The following TRPV1 variants were observed in gnomAD, a reference collection of about 807,000 sequenced individuals.
The protein encoded by TRPV1 is OTRPC1.
Under a neutral mutation model 82.3 loss-of-function variants are expected in TRPV1, and 82 were observed. The observed-to-expected ratio is 1.00, with a 90% confidence interval of 0.83 to 1.20. The LOEUF (loss-of-function observed/expected upper bound fraction) is 1.20, where lower values mean the gene tolerates loss of function less well. Ranked by LOEUF, TRPV1 falls within the 50% of genes most tolerant of loss-of-function variation. The pLI, the probability that TRPV1 is intolerant of heterozygous loss-of-function variation, is 0.00. For synonymous variants in TRPV1, 515 were observed against 467.7 expected (o/e 1.10, Z -1.30); for missense variants, 1,067 against 1,096.8 (o/e 0.97, Z 0.38).
At chr17:3,582,022 C>G (rs1468789166) in intron 10 of TRPV1, among the ~76,000 whole-genome samples, 4 of 146,892 alleles carry the variant, frequency 2.7e-5, no homozygotes, top group Non-Finnish European at 6.0e-5. Flanking sequence ...AACCCCGTCT[C>G]TACTAAAAAT....
At chr17:3,574,770 G>A (rs2074907287) in intron 13 of TRPV1, among the ~76,000 whole-genome samples, 2 of 151,540 alleles carry the variant, frequency 1.3e-5, no homozygotes, top group South Asian at 2.1e-4. Context: ...CCAACAGGGT[G>A]AAACCCGTCT....
intron 2 of TRPV1, among the ~76,000 whole-genome samples, chr17:3,594,151 A>AGC (rs1385829115): frequency 3.8e-5 from 4 of 104,400 alleles, no homozygotes; most frequent in East Asian, 2.4e-4. Flanking sequence ...AAAAAAAAAA[A>AGC]AGAAGCAGCA....
rs2074766819 is a variant in TRPV1, at chr17:3,566,681, C to T, written c.*134G>A. Reference sequence around the variant, plus strand: ...AACGCTTCCCACAGCTTGTCCAGCACAGATTTGGGAACATGCTGGGCAGGC... The same window carrying T: ...AACGCTTCCCACAGCTTGTCCAGCATAGATTTGGGAACATGCTGGGCAGGC... On this transcript the variant is annotated 3_prime_UTR_variant, in exon 17 of 17. Coordinates refer to ENST00000572705, the MANE Select transcript of TRPV1 (RefSeq NM_080704.4). 14 of 1,118,260 alleles carry T rather than the reference C, an allele frequency of 1.3e-5. No individual in the cohort carries two copies. The highest frequency in any genetic ancestry group is 1.7e-5 in the Non-Finnish European group (14 of 802,090). The allele number at this position is 1,118,260 out of a possible 1,614,324, so 69.3% of individuals were successfully genotyped here.
At position 3,590,118 on chromosome 17, in the gene TRPV1, A is replaced by G. The variant is rs536442410; in HGVS notation, c.746-13T>C. The G allele has an allele frequency of 8.1e-6, 13 of 1,598,124 alleles. No homozygotes were observed. In the South Asian group the frequency reaches 1.5e-4, roughly 18 times the overall value. On this transcript the variant is annotated splice_polypyrimidine_tract_variant and intron_variant, in intron 6 of 16. Coordinates refer to ENST00000572705, the MANE Select transcript of TRPV1 (RefSeq NM_080704.4). ...AGGGGCAGTTCACCTGCATGAACAC[A>G]GGGCCCAGGTGGGCCTCAGGAGTGA...
At chr17:3,595,269 C>T (rs568082278) in intron 2 of TRPV1, among the ~76,000 whole-genome samples, 6 of 152,234 alleles carry the variant, frequency 3.9e-5, no homozygotes, top group African/African-American at 1.2e-4. Context: ...ATGAGGAGAC[C>T]GAGGCACAGA....
At chr17:3,586,184 C>G (rs1249911481) in intron 8 of TRPV1, among the ~76,000 whole-genome samples, 2 of 152,226 alleles carry the variant, frequency 1.3e-5, no homozygotes, top group East Asian at 1.9e-4. Flanking sequence ...TGGACAAGCT[C>G]TTAAGTGCTC....
chr17:3,592,234 C>G lies in TRPV1; in HGVS notation c.117G>C (p.Gln39His). ...PNSRPPPAKP[Q>H]LSTAKSRTRL... ...GGGTGCGGCTCTTGGCCGTGGAGAG[C>G]TGGGGCTTGGCTGGAGGTGGCCTGG... Residue 39 changes from glutamine (Q) to histidine (H), a missense_variant, in exon 3 of 17, where the codon CAG becomes CAC. Gln to His is a conservative substitution (Grantham distance 24). Coordinates refer to ENST00000572705, the MANE Select transcript of TRPV1 (RefSeq NM_080704.4). 3 of 1,611,376 alleles carry G rather than the reference C, an allele frequency of 1.9e-6. No homozygotes were observed. The highest frequency in any genetic ancestry group is 2.5e-6 in the Non-Finnish European group (3 of 1,178,796).
Position 3,590,343 on chromosome 17 carries a change from C to G in TRPV1, c.654G>C (p.Val218=), listed in dbSNP as rs1200059777. 1.2e-6 allele frequency: 2 copies of G among 1,613,888 alleles called. No individual in the cohort carries two copies. Among genetic ancestry groups the G allele is most frequent in the African/African-American group, 2.7e-5 (2 of 74,918 alleles). Residue 218 remains valine (V), a synonymous_variant, in exon 6 of 17, where the codon GTG becomes GTC. Transcript: ENST00000572705. ...CTGCTCCGTTCTCCACCAGGAGGGT[C>G]ACCAGGGCCATGTTGCGTCTCTCGA... ...IAIERRNMAL[V]TLLVENGADV...
Position 3,589,912 on chromosome 17 carries a change from A to C in TRPV1, c.939T>G (p.Ile313Met), listed in dbSNP as rs370644721. The change falls in exon 7 of 17, where the codon ATT becomes ATG. Residue 313 changes from isoleucine (I) to methionine (M), a missense_variant. Ile to Met is a conservative substitution (Grantham distance 10, BLOSUM62 1). Coordinates refer to ENST00000572705, the MANE Select transcript of TRPV1 (RefSeq NM_080704.4). ...TKFVTSMYNEILMLGAKLHPT... is the reference protein window; with the variant it reads ...TKFVTSMYNEMLMLGAKLHPT... ...GGTGCAGTTTGGCCCCCAGCATCAGAATCTCATTGTACATGCTCGTCACAA... is the reference window on the plus strand; with the variant it reads ...GGTGCAGTTTGGCCCCCAGCATCAGCATCTCATTGTACATGCTCGTCACAA... 1 of 1,594,014 alleles carries C rather than the reference A, an allele frequency of 6.3e-7. No individual in the cohort carries two copies. Among genetic ancestry groups the C allele is most frequent in the South Asian group, 1.1e-5 (1 of 88,074 alleles).
chr17:3,597,572 C>T (rs1394490936), intron 2 of TRPV1, among the ~76,000 whole-genome samples: 2 of 151,786 alleles, frequency 1.3e-5, no homozygotes, highest in South Asian at 2.1e-4. Context: ...TAGGGGTTGG[C>T]GTCGAGGGGG....
At chr17:3,572,519 C>G (rs2074868680) in intron 14 of TRPV1, among the ~76,000 whole-genome samples, 1 of 152,182 alleles carries the variant, frequency 6.6e-6, no homozygotes, top group Admixed American at 6.5e-5. Flanking sequence ...GATACGGAGG[C>G]CCCAGACCCT....
intron 16 of TRPV1, among the ~76,000 whole-genome samples, chr17:3,568,060 C>T (rs532487643): frequency 2.0e-5 from 3 of 152,292 alleles, no homozygotes; most frequent in Admixed American, 6.5e-5. Flanking sequence ...CGGTGGCTCA[C>T]GCCTGTAATC....
At chr17:3,590,703 T>A (rs1360462250) in intron 5 of TRPV1, among the ~76,000 whole-genome samples, 3 of 151,886 alleles carry the variant, frequency 2.0e-5, no homozygotes, top group Non-Finnish European at 2.9e-5. Flanking sequence ...ACAGGGACCA[T>A]CCAGTCAGCA....
chr17:3,567,437 G>A (rs1179486995), intron 16 of TRPV1, among the ~76,000 whole-genome samples: 2 of 151,268 alleles, frequency 1.3e-5, no homozygotes, highest in Non-Finnish European at 2.9e-5. Context: ...GCCCAGGCAT[G>A]CGAGTGCTTC....
rs200711058 is a variant in TRPV1, at chr17:3,566,836, A to G, written c.2499T>C (p.Pro833=). Residue 833 remains proline, a synonymous_variant, in exon 17 of 17, where the codon CCT becomes CCC. Transcript: ENST00000572705. ...GTCCTCACTTCTCCCCGGAAGCGGC[A>G]GGACTCTTGAAGACCTCAGCGTCCT... is the stretch of plus-strand genomic sequence containing the variant. ...KPEDAEVFKS[P]AASGEK 5.6e-6 allele frequency: 9 copies of G among 1,613,830 alleles called. No individual in the cohort carries two copies. Among genetic ancestry groups the G allele is most frequent in the Non-Finnish European group, 7.6e-6 (9 of 1,179,878 alleles).
intron 2 of TRPV1, among the ~76,000 whole-genome samples, chr17:3,603,396 T>C (rs1440771816): frequency 6.6e-6 from 1 of 152,050 alleles, no homozygotes; most frequent in Admixed American, 6.5e-5. Context: ...CGAGGGCCAA[T>C]GGAGGGTCAG....
intron 8 of TRPV1, among the ~76,000 whole-genome samples, chr17:3,586,159 T>C (rs557728213): frequency 6.6e-6 from 1 of 152,138 alleles, no homozygotes; most frequent in Admixed American, 6.5e-5. Context: ...AGAGGTGCAG[T>C]GAATGGGGTG....
In TRPV1 at chr17:3,572,144, C is replaced by G. The variant is rs2074862519; in HGVS notation, c.2209G>C (p.Asp737His). ...LQVGYTPDGK[D>H]DYRWCFRVDE... ...TACCTGAAGCACCACCGGTAGTCGT[C>G]CTTGCCATCAGGTGTGTACCCCACC... Residue 737 changes from aspartate to histidine, a missense_variant, in exon 15 of 17, where the codon GAC becomes CAC. Coordinates refer to ENST00000572705, the MANE Select transcript of TRPV1 (RefSeq NM_080704.4). 3 of 1,613,494 alleles carry G rather than the reference C, an allele frequency of 1.9e-6. No individual in the cohort carries two copies. The highest frequency in any genetic ancestry group is 1.7e-6 in the Non-Finnish European group (2 of 1,179,690).
At chr17:3,595,074 C>T (rs1251417554) in intron 2 of TRPV1, among the ~76,000 whole-genome samples, 1 of 152,086 alleles carries the variant, frequency 6.6e-6, no homozygotes, top group Non-Finnish European at 1.5e-5. Context: ...CTGAAGATAA[C>T]ACCCCGTCAA....
Sources: allele counts gnomAD v4.1 joint callset (sites outside exome capture counted in the v4.1 genomes callset), GRCh38; gene constraint gnomAD v4.1.1; transcripts MANE v1.5; gene names NCBI Gene and HGNC (gene_info 2026-07-23, HGNC 2026-07-21).